The following PTPN20 variants were observed in gnomAD, a reference collection of about 807,000 sequenced individuals.
PTPN20 encodes protein tyrosine phosphatase non-receptor type 20.
In PTPN20, 9 loss-of-function variants were observed where a neutral mutation model predicts 35.0. The observed-to-expected ratio is 0.26, with a 90% CI of 0.15 to 0.45. PTPN20 has a LOEUF of 0.45. Ranked by LOEUF, PTPN20 falls within the 20% of genes least tolerant of loss-of-function variation. The pLI, the probability that PTPN20 is intolerant of heterozygous loss-of-function variation, is 1.00. For synonymous variants in PTPN20, 32 were observed against 100.2 expected, an observed-to-expected ratio of 0.32 and a Z score of 4.06; for missense variants, 111 against 312.5, an observed-to-expected ratio of 0.36 and a Z score of 4.86.
At chr10:46,999,359 T>C (rs1291504765) in intron 9 of PTPN20, among the ~76,000 whole-genome samples, 1 of 152,176 alleles carries the variant, frequency 6.6e-6, no homozygotes, top group African/African-American at 2.4e-5. Flanking sequence ...GCTGTGCCAG[T>C]GTCAAATTGC....
At chr10:46,950,768 AATAGTTTATCTAAGAATACACAAAGAT>A (rs2046396979) in intron 5 of PTPN20, among the ~76,000 whole-genome samples, 3 of 152,060 alleles carry the variant, frequency 2.0e-5, no homozygotes, top group African/African-American at 7.3e-5. Flanking sequence ...CAACCAATAT[AATAGTTTATCTAAGAATACACAAAGAT>A]ATAAAAACAG....
Position 47,000,751 on chromosome 10 carries a change from C to G in PTPN20, c.*10C>G. 6.2e-7 allele frequency: 1 copy of G among 1,613,516 alleles called. No individual in the cohort carries two copies. Among genetic ancestry groups the G allele is most frequent in the Non-Finnish European group, 8.5e-7 (1 of 1,179,518 alleles). On this transcript the variant is annotated 3_prime_UTR_variant, in exon 11 of 11. Coordinates refer to ENST00000374339, the MANE Select transcript of PTPN20 (RefSeq NM_001042357.5). The stretch of plus-strand genomic sequence containing the variant: ...TCTGACTTTGGATTAAGAAAGACTT[C>G]TGTTGCCTCTCACTTGAAATTACCA...
chr10:46,920,582 A>G (rs1272274550), intron 1 of PTPN20, among the ~76,000 whole-genome samples: 2 of 144,160 alleles, frequency 1.4e-5, no homozygotes, highest in African/African-American at 5.4e-5. Flanking sequence ...AGCTCCCCAG[A>G]GTTTCTATGT....
At chr10:46,977,165 G>A (rs1270537505) in intron 7 of PTPN20, among the ~76,000 whole-genome samples, 3 of 152,278 alleles carry the variant, frequency 2.0e-5, no homozygotes, top group Admixed American at 1.3e-4. Context: ...AGAAAAAAAC[G>A]CTAAAATTTC....
At chr10:46,925,883 AC>A in intron 1 of PTPN20, 1 of 642,016 alleles carries the variant, frequency 1.6e-6, no homozygotes, top group South Asian at 7.2e-5. Context: ...AAGATTAAGG[AC>A]AAGGTTGGCC....
chr10:46,964,458 C>G (rs2050192820), intron 5 of PTPN20, among the ~76,000 whole-genome samples: 1 of 106,462 alleles, frequency 9.4e-6, no homozygotes, highest in Non-Finnish European at 1.9e-5. Flanking sequence ...CCATATGTAT[C>G]CATTATTCCA....
intron 1 of PTPN20, among the ~76,000 whole-genome samples, chr10:46,932,062 TTGTGTGTGTGTG>T (rs71023200): frequency 2.2e-5 from 3 of 133,630 alleles, no homozygotes; most frequent in Non-Finnish European, 4.7e-5. Context: ...TTGATTGAAT[TTGTGTGTGTGTG>T]TGTGTGTGTG....
chr10:46,995,846 A>C (rs1429840435), intron 9 of PTPN20, among the ~76,000 whole-genome samples: 1 of 152,102 alleles, frequency 6.6e-6, no homozygotes, highest in African/African-American at 2.4e-5. Context: ...TGGGCATTGC[A>C]GATGTGGAAA....
At chr10:46,929,466 G>A (rs2038858294) in intron 1 of PTPN20, among the ~76,000 whole-genome samples, 1 of 151,750 alleles carries the variant, frequency 6.6e-6, no homozygotes, top group East Asian at 1.9e-4. Context: ...CTAAGGGACC[G>A]AGTGCCTATC....
At chr10:46,950,554 G>C (rs1430229368) in intron 5 of PTPN20, among the ~76,000 whole-genome samples, 3 of 151,706 alleles carry the variant, frequency 2.0e-5, no homozygotes, top group Non-Finnish European at 2.9e-5. Flanking sequence ...GTTTTAAATT[G>C]GGTATGTATT....
At chr10:46,923,410 T>C (rs1415790154) in intron 1 of PTPN20, among the ~76,000 whole-genome samples, 2 of 146,528 alleles carry the variant, frequency 1.4e-5, no homozygotes, top group Non-Finnish European at 3.0e-5. Context: ...TGATTCATTT[T>C]GAGTTATTTT....
chr10:46,994,944 C>T (rs1483164680), intron 9 of PTPN20, among the ~76,000 whole-genome samples: 1 of 152,166 alleles, frequency 6.6e-6, no homozygotes, highest in Non-Finnish European at 1.5e-5. Context: ...TATTTCTCAG[C>T]TCCAAGATTT....
intron 5 of PTPN20, among the ~76,000 whole-genome samples, chr10:46,951,445 TAA>T (rs2046629658): frequency 6.6e-6 from 1 of 152,238 alleles, no homozygotes; most frequent in African/African-American, 2.4e-5. Flanking sequence ...CTATAAATTG[TAA>T]CCCTCAATTC....
chr10:46,937,932 CTTTTTTCTTTTTCTTTTCTTTTTTTTT>C (rs1174507663), intron 2 of PTPN20, among the ~76,000 whole-genome samples: 2 of 131,722 alleles, frequency 1.5e-5, no homozygotes. Flanking sequence ...TTTTTTTCTT[CTTTTTTCTTTTTCTTTTCTTTTTTTTT>C]TTTTTTCTTA....
At chr10:46,937,951 T>TC (rs1491360339) in intron 2 of PTPN20, among the ~76,000 whole-genome samples, 13 of 16,032 alleles carry the variant, frequency 8.1e-4, no homozygotes, top group Non-Finnish European at 1.6e-3. Flanking sequence ...TTTTCTTTTC[T>TC]TTTTTTTTTT....
chr10:46,996,834 G>T (rs1395433526), intron 9 of PTPN20, among the ~76,000 whole-genome samples: 2 of 152,124 alleles, frequency 1.3e-5, no homozygotes, highest in Non-Finnish European at 2.9e-5. Context: ...CTATTGATTA[G>T]TGTGTCTATC....
intron 7 of PTPN20, 124 bp from the exon 8 acceptor site, chr10:46,984,105 TC>T (rs2056346862): frequency 1.4e-6 from 1 of 727,142 alleles, no homozygotes. Context: ...GAAAAGAAAC[TC>T]CTAGGCCATC....
At chr10:46,923,645 C>A (rs1311941327) in intron 1 of PTPN20, among the ~76,000 whole-genome samples, 3 of 151,422 alleles carry the variant, frequency 2.0e-5, no homozygotes, top group Non-Finnish European at 4.4e-5. Context: ...CAACTTTGTT[C>A]TTCTTTAGTA....
At chr10:47,003,198 G>C (rs914535398), downstream of PTPN20, among the ~76,000 whole-genome samples, 1 of 151,912 alleles carries the variant, frequency 6.6e-6, no homozygotes, top group Admixed American at 6.6e-5. Context: ...AATTAGAAGG[G>C]ATCTTAAAAG....
Sources: allele counts gnomAD v4.1 joint callset (sites outside exome capture counted in the v4.1 genomes callset), GRCh38; gene constraint gnomAD v4.1.1; transcripts MANE v1.5; gene names NCBI Gene and HGNC (gene_info 2026-07-23, HGNC 2026-07-21).